Variants in DEFB119 observed in about 807,000 individuals in gnomAD.
DEFB119 encodes the protein defensin beta 119, also known as beta-defensin 119.
A neutral mutation model predicts 2.5 loss-of-function variants in DEFB119; 3 were observed. The observed-to-expected ratio is 1.19, with a 90% CI of 0.54 to 3.07. DEFB119 has a LOEUF of 3.07. Among genes scored for constraint, DEFB119 ranks in the 30% most tolerant of loss-of-function variants. The pLI is 0.03. For synonymous variants in DEFB119, 29 were observed against 33.7 expected (o/e 0.86, Z 0.48); for missense variants, 113 against 101.1 (o/e 1.12, Z -0.50).
chr20:31,389,026 T>C, intron 1 of DEFB119: 1 of 1,614,144 alleles, frequency 6.2e-7, no homozygotes. Flanking sequence ...AAGTCATTTC[T>C]ATCTATTAGT....
intron 1 of DEFB119, among the ~76,000 whole-genome samples, chr20:31,389,539 C>T (rs185955577): frequency 9.3e-4 from 141 of 152,196 alleles, no homozygotes; most frequent in African/African-American, 3.3e-3. Flanking sequence ...AATGTCCCAC[C>T]TAGCAGAGCT....
At chr20:31,384,131 G>A (rs183034596) in intron 1 of DEFB119, among the ~76,000 whole-genome samples, 5 of 152,314 alleles carry the variant, frequency 3.3e-5, no homozygotes, top group Non-Finnish European at 1.5e-5. Flanking sequence ...AACCCACTGA[G>A]AGACTTGATC....
intron 1 of DEFB119, among the ~76,000 whole-genome samples, chr20:31,378,016 G>A (rs545120055): frequency 6.6e-6 from 1 of 152,182 alleles, no homozygotes; most frequent in African/African-American, 2.4e-5. Context: ...CTGTAAGGAG[G>A]TGTAACCTCC....
chr20:31,388,105 T>C (rs1328035616), intron 1 of DEFB119: 12 of 985,358 alleles, frequency 1.2e-5, no homozygotes, highest in Non-Finnish European at 1.2e-6. Flanking sequence ...GACTTGAGAA[T>C]AAAGTCTGGG....
chr20:31,386,243 C>G (rs1255239347), intron 1 of DEFB119, among the ~76,000 whole-genome samples: 1 of 152,068 alleles, frequency 6.6e-6, no homozygotes, highest in African/African-American at 2.4e-5. Context: ...CAGAGAAAAC[C>G]TGGGGGCAGG....
At chr20:31,378,343 TC>T (rs1269605797) in intron 1 of DEFB119, 1 of 1,614,106 alleles carries the variant, frequency 6.2e-7, no homozygotes. Flanking sequence ...CACCTGGACT[TC>T]CACCCACCTG....
chr20:31,386,810 CTTTT>C (rs148428945), intron 1 of DEFB119, among the ~76,000 whole-genome samples: 1 of 108,904 alleles, frequency 9.2e-6, no homozygotes. Flanking sequence ...TTTTCTTTTT[CTTTT>C]TTTTTTTTTT....
At chr20:31,378,200 C>T in intron 1 of DEFB119, 1 of 1,156,814 alleles carries the variant, frequency 8.6e-7, no homozygotes, top group Non-Finnish European at 1.3e-6. Flanking sequence ...ACAGAGAGGG[C>T]CTAGTGCAGA....
intron 1 of DEFB119, among the ~76,000 whole-genome samples, chr20:31,383,606 C>T (rs189301006): frequency 1.8e-3 from 272 of 148,982 alleles, no homozygotes; most frequent in Admixed American, 3.2e-3. Context: ...GAGGCCGAGG[C>T]GGGCAGATCA....
chr20:31,378,468 A>G (rs1568727880), intron 1 of DEFB119: 3 of 1,595,752 alleles, frequency 1.9e-6, no homozygotes, highest in Non-Finnish European at 1.7e-6. Context: ...TATCAAAAAC[A>G]TCCGCGTTCC....
chr20:31,390,524 G>A lies in DEFB119; in HGVS notation c.-41C>T. On this transcript the variant is annotated 5_prime_UTR_variant, in exon 1 of 2. Coordinates refer to ENST00000376321, the MANE Select transcript of DEFB119 (RefSeq NM_153289.4). ...GAGGAGGAGGTGGCTGAGCTGCAGGGGAAGGAAATAGGGTTCCCTGCAGCA... is the reference window on the plus strand; with the variant it reads ...GAGGAGGAGGTGGCTGAGCTGCAGGAGAAGGAAATAGGGTTCCCTGCAGCA... 6.2e-7 allele frequency: 1 copy of A among 1,601,780 alleles called. No homozygotes were observed. The highest frequency in any genetic ancestry group is 2.2e-5 in the East Asian group (1 of 44,772).
intron 1 of DEFB119, among the ~76,000 whole-genome samples, chr20:31,387,032 C>G (rs1247352043): frequency 6.6e-6 from 1 of 152,106 alleles, no homozygotes; most frequent in Non-Finnish European, 1.5e-5. Flanking sequence ...TCTCAAACTA[C>G]TGACCTCGTG....
At chr20:31,378,042 G>C (rs1986365027) in intron 1 of DEFB119, among the ~76,000 whole-genome samples, 2 of 152,174 alleles carry the variant, frequency 1.3e-5, no homozygotes, top group African/African-American at 4.8e-5. Context: ...TGGAACCCAA[G>C]TGGGGAGCGG....
At chr20:31,386,618 T>G (rs1394956224) in intron 1 of DEFB119, among the ~76,000 whole-genome samples, 1 of 152,002 alleles carries the variant, frequency 6.6e-6, no homozygotes, top group African/African-American at 2.4e-5. Flanking sequence ...TGGATTTCAT[T>G]GAAGTAGAGA....
chr20:31,389,179 T>C (rs935309523), intron 1 of DEFB119: 1 of 1,614,172 alleles, frequency 6.2e-7, no homozygotes, highest in African/African-American at 1.3e-5. Context: ...TATGATGCTG[T>C]CTTCACCATC....
chr20:31,388,936 T>C, intron 1 of DEFB119: 8 of 1,543,596 alleles, frequency 5.2e-6, no homozygotes, highest in Non-Finnish European at 7.0e-6. Flanking sequence ...CCATTTGAAG[T>C]ATCATTCCTT....
Position 31,377,288 on chromosome 20 carries a change from A to G in DEFB119, c.213T>C (p.Asn71=). ...MRISISGKEE[N]TDWSYEKQWP... is the part of the protein sequence containing the mutation. The stretch of plus-strand genomic sequence containing the variant: ...ACTGCTTCTCATAAGACCAGTCGGT[A>G]TTTTCCTCTTTGCCAGAAATGCTTA... Residue 71 remains asparagine (N), a synonymous_variant, in exon 2 of 2, where the codon AAT becomes AAC. Coordinates refer to ENST00000376321, the MANE Select transcript of DEFB119 (RefSeq NM_153289.4). 6.2e-7 allele frequency: 1 copy of G among 1,614,044 alleles called. No individual in the cohort carries two copies.
chr20:31,379,242 GA>G (rs1282821192), intron 1 of DEFB119, among the ~76,000 whole-genome samples: 1 of 152,102 alleles, frequency 6.6e-6, no homozygotes, highest in Non-Finnish European at 1.5e-5. Context: ...TAATTTGTCG[GA>G]AGGCATTAAA....
At chr20:31,379,269 G>A (rs1296242154) in intron 1 of DEFB119, among the ~76,000 whole-genome samples, 2 of 152,058 alleles carry the variant, frequency 1.3e-5, no homozygotes, top group Non-Finnish European at 2.9e-5. Context: ...AAATAATGGA[G>A]GTTGAGTGGG....
Sources: allele counts gnomAD v4.1 joint callset (sites outside exome capture counted in the v4.1 genomes callset), GRCh38; gene constraint gnomAD v4.1.1; transcripts MANE v1.5; gene names NCBI Gene and HGNC (gene_info 2026-07-23, HGNC 2026-07-21).